Variants in CTNNA1 observed in about 807,000 individuals in gnomAD.
CTNNA1 encodes the protein catenin alpha-1.
Under a neutral mutation model 98.4 loss-of-function variants are expected in CTNNA1, and 37 were observed. That is an observed-to-expected ratio of 0.38 (90% CI 0.29 to 0.49). CTNNA1 has a LOEUF of 0.49. CTNNA1 is among the 20% of genes least tolerant of loss of function. The pLI is 0.95. For missense variants in CTNNA1, 761 were observed against 1,147.2 expected, an observed-to-expected ratio of 0.66 and a Z score of 4.86; for synonymous variants, 404 against 413.2, an observed-to-expected ratio of 0.98 and a Z score of 0.27.
At chr5:138,871,974 A>AT (rs1251826695) in intron 7 of CTNNA1, 3 of 151,628 alleles carry the variant, frequency 2.0e-5, no homozygotes, top group African/African-American at 4.8e-5. Context: ...AAGAGGTTTA[A>AT]ACCCCTTTGT....
At chr5:138,782,415 T>G (rs112849585) in intron 2 of CTNNA1, 3 of 408,186 alleles carry the variant, frequency 7.3e-6, no homozygotes, top group African/African-American at 6.2e-5. Context: ...TAATTCAACT[T>G]GAGGGTTTAG....
chr5:138,767,613 T>C (rs1238831521), intron 1 of CTNNA1, among the ~76,000 whole-genome samples: 1 of 152,192 alleles, frequency 6.6e-6, no homozygotes, highest in Admixed American at 6.5e-5. Flanking sequence ...GTAAGCATTT[T>C]CCCCCTACTT....
intron 11 of CTNNA1, among the ~76,000 whole-genome samples, chr5:138,921,517 T>C (rs185651116): frequency 3.9e-5 from 6 of 152,270 alleles, no homozygotes; most frequent in African/African-American, 1.4e-4. Flanking sequence ...TAAATGTTGG[T>C]TTTGTGTTTA....
At chr5:138,895,762 C>G (rs1275446844) in intron 9 of CTNNA1, among the ~76,000 whole-genome samples, 1 of 151,990 alleles carries the variant, frequency 6.6e-6, no homozygotes, top group African/African-American at 2.4e-5. Context: ...AGAAATTGTA[C>G]TGAGGTGATA....
chr5:138,788,003 T>G (rs1486362418), intron 3 of CTNNA1, among the ~76,000 whole-genome samples: 1 of 152,246 alleles, frequency 6.6e-6, no homozygotes, highest in African/African-American at 2.4e-5. Flanking sequence ...GTACTACTAA[T>G]CTGCTTCGTT....
intron 4 of CTNNA1, 144 bp downstream of exon 4, chr5:138,810,348 C>A: frequency 2.5e-6 from 2 of 813,008 alleles, no homozygotes; most frequent in South Asian, 3.6e-5. Context: ...GTTTAATTTC[C>A]ACTTACTCCT....
chr5:138,898,115 A>G (rs1179264347), intron 9 of CTNNA1, among the ~76,000 whole-genome samples: 1 of 151,826 alleles, frequency 6.6e-6, no homozygotes, highest in Admixed American at 6.6e-5. Context: ...GTGAGTTCTT[A>G]TGAGATCTGG....
At chr5:138,812,029 G>T (rs1224141860) in intron 4 of CTNNA1, 154 bp from the exon 5 acceptor site, 3 of 610,616 alleles carry the variant, frequency 4.9e-6, no homozygotes, top group African/African-American at 1.9e-5. Flanking sequence ...TGTAATTGCT[G>T]TTTAAATGTT....
At chr5:138,835,311 C>T (rs1472384279) in intron 7 of CTNNA1, among the ~76,000 whole-genome samples, 1 of 152,114 alleles carries the variant, frequency 6.6e-6, no homozygotes, top group East Asian at 1.9e-4. Flanking sequence ...ACTGGTGGTA[C>T]TTGAGTGCTG....
intron 3 of CTNNA1, among the ~76,000 whole-genome samples, chr5:138,801,117 A>G (rs762111231): frequency 6.6e-6 from 1 of 152,218 alleles, no homozygotes; most frequent in Non-Finnish European, 1.5e-5. Context: ...GATGCATCAT[A>G]TGGCATTTTA....
intron 7 of CTNNA1, among the ~76,000 whole-genome samples, chr5:138,829,996 C>G (rs1365425022): frequency 6.6e-6 from 1 of 152,042 alleles, no homozygotes; most frequent in Non-Finnish European, 1.5e-5. Flanking sequence ...GAAACCCTGT[C>G]TCTACTAAAA....
At chr5:138,930,413 A>C (rs1765059970) in intron 14 of CTNNA1, 60 bp from the exon 15 acceptor site, 1 of 1,260,562 alleles carries the variant, frequency 7.9e-7, no homozygotes, top group Non-Finnish European at 1.1e-6. Context: ...TTCTTGGCTA[A>C]TGCACTCTGA....
chr5:138,893,952 C>T (rs1756104765), intron 9 of CTNNA1, among the ~76,000 whole-genome samples: 1 of 151,730 alleles, frequency 6.6e-6, no homozygotes, highest in Non-Finnish European at 1.5e-5. Flanking sequence ...GAGTCTTGTT[C>T]TGTCACTTAG....
chr5:138,869,694 G>A (rs1765157988), intron 7 of CTNNA1: 1 of 152,570 alleles, frequency 6.6e-6, no homozygotes, highest in African/African-American at 2.4e-5. Flanking sequence ...ATGGAGTCTA[G>A]CTCTTGGTGA....
At chr5:138,875,068 T>C in intron 7 of CTNNA1, 1 of 665,254 alleles carries the variant, frequency 1.5e-6, no homozygotes. Context: ...GACGAGTTGT[T>C]TTTTCCTTAG....
chr5:138,892,066 C>T (rs1396552062), intron 9 of CTNNA1, among the ~76,000 whole-genome samples: 1 of 152,200 alleles, frequency 6.6e-6, no homozygotes, highest in Non-Finnish European at 1.5e-5. Context: ...GCCTTTTAGA[C>T]AGAACCAGTG....
At chr5:138,781,898 G>T in intron 1 of CTNNA1, 25 bp from the exon 2 acceptor site, 1 of 1,565,178 alleles carries the variant, frequency 6.4e-7, no homozygotes, top group South Asian at 1.2e-5. Flanking sequence ...ATGTTTGCCT[G>T]ACTGACTTTT....
rs114684144 is a variant in CTNNA1, at chr5:138,927,156, T to G, written c.1899+1749T>G. On this transcript the variant is annotated intron_variant, in intron 13 of 17. Coordinates refer to ENST00000302763, the MANE Select transcript of CTNNA1 (RefSeq NM_001903.5). ...GCTGGTTCCCTGTTCCCATCCTGGG[T>G]GCCTACAGTCTCATGAGCCACAGGG... is the stretch of plus-strand genomic sequence containing the variant. Among the ~76,000 whole-genome samples the G allele has an allele frequency of 6.9e-3, 1,055 of 152,294 alleles. 11 individuals are homozygous for G. Among genetic ancestry groups the G allele is most frequent in the African/African-American group, 0.024 (980 of 41,566 alleles).
At chr5:138,840,898 C>T (rs1442566528) in intron 7 of CTNNA1, among the ~76,000 whole-genome samples, 1 of 152,174 alleles carries the variant, frequency 6.6e-6, no homozygotes, top group Non-Finnish European at 1.5e-5. Flanking sequence ...TAACCCTCTC[C>T]TCCCCTCATT....
Sources: gnomAD v4.1 joint callset for allele counts (sites outside exome capture counted in the v4.1 genomes callset) on GRCh38, gnomAD v4.1.1 for gene constraint, MANE v1.5 for transcripts, NCBI Gene and HGNC (gene_info 2026-07-23, HGNC 2026-07-21) for gene names.